Variants in PNLIPRP1 observed in about 807,000 individuals in gnomAD.
The protein encoded by PNLIPRP1 is pancreatic lipase related protein 1.
PNLIPRP1 carries 57 observed loss-of-function variants against 54.6 expected under a neutral mutation model. The observed-to-expected ratio is 1.04, with a 90% CI of 0.84 to 1.30. The LOEUF is 1.30. Ranked by LOEUF, PNLIPRP1 falls within the 50% of genes most tolerant of loss-of-function variation. PNLIPRP1 has a pLI of 0.00. For missense variants in PNLIPRP1, 567 were observed against 568.5 expected, an observed-to-expected ratio of 1.00 and a Z score of 0.03; for synonymous variants, 232 against 208.8, an observed-to-expected ratio of 1.11 and a Z score of -0.96.
rs1294899108 is a variant in PNLIPRP1, at chr10:116,596,439, G to C, written c.574+117G>C. 4.5e-6 allele frequency: 3 copies of C among 660,180 alleles called. No homozygotes were observed. The East Asian group carries it at 7.8e-5, about 17-fold the overall frequency. The allele number at this position is 660,180 out of a possible 1,614,324, so 40.9% of individuals were successfully genotyped here. A position where few individuals can be genotyped will look rare whatever the true frequency, so the allele number is the denominator to read the frequency against. ...GAGACTGTCCCCCTTGGCTGTGATA[G>C]AGCTGCTTGGAGCCTGCACAGAACA... On this transcript the variant is annotated intron_variant, in intron 6 of 12. Transcript: ENST00000358834.
In PNLIPRP1 at chr10:116,596,328, G is replaced by A. The variant is rs782518505; in HGVS notation, c.574+6G>A. 1.1e-5 allele frequency: 18 copies of A among 1,574,204 alleles called. No individual in the cohort carries two copies. The highest frequency in any genetic ancestry group is 1.3e-5 in the Non-Finnish European group (15 of 1,145,890). On this transcript the variant is annotated splice_donor_region_variant and intron_variant, in intron 6 of 12. Transcript: ENST00000358834. ...AGGCCTGAGCAGGATTACAGGTAAG[G>A]CCCCAGAGGCAGGGCCCCAGTTTTG... is the stretch of plus-strand genomic sequence containing the variant.
chr10:116,602,263 C>T (rs1554864916), intron 10 of PNLIPRP1, among the ~76,000 whole-genome samples: 1 of 152,166 alleles, frequency 6.6e-6, no homozygotes, highest in Non-Finnish European at 1.5e-5. Context: ...TTGTGATCCG[C>T]CTGCCTCGGC....
intron 9 of PNLIPRP1, 36 bp downstream of exon 9, chr10:116,600,201 C>A: frequency 7.5e-7 from 1 of 1,339,412 alleles, no homozygotes; most frequent in Non-Finnish European, 1.1e-6. Context: ...ACAAGCATCA[C>A]CCCTCTGAGG....
At chr10:116,602,997 T>A (rs1460536259) in intron 10 of PNLIPRP1, among the ~76,000 whole-genome samples, 4 of 152,106 alleles carry the variant, frequency 2.6e-5, no homozygotes, top group African/African-American at 9.7e-5. Context: ...TGCACGCACA[T>A]GCATGTTTGT....
chr10:116,596,376 G>T, intron 6 of PNLIPRP1, 54 bp downstream of exon 6: 2 of 1,101,760 alleles, frequency 1.8e-6, no homozygotes, highest in Admixed American at 3.7e-5. Context: ...CCAGAATGAG[G>T]TCTCAAGAAT....
chr10:116,591,756 A>C lies in PNLIPRP1; in HGVS notation c.50-15A>C, dbSNP rs1462407769. The C allele has an allele frequency of 6.2e-7, 1 of 1,613,710 alleles. No homozygotes were observed. The highest frequency in any genetic ancestry group is 8.5e-7 in the Non-Finnish European group (1 of 1,179,892). ...TGAGAGCAAATCCTTGAGCAGATTCAACCTTTCTCTGTAGGAAAAGAAGTT... is the reference window on the plus strand; with the variant it reads ...TGAGAGCAAATCCTTGAGCAGATTCCACCTTTCTCTGTAGGAAAAGAAGTT... On this transcript the variant is annotated splice_polypyrimidine_tract_variant and intron_variant, in intron 2 of 12. Coordinates refer to ENST00000358834, the MANE Select transcript of PNLIPRP1 (RefSeq NM_006229.4).
At chr10:116,596,612 C>A (rs1847742429) in intron 6 of PNLIPRP1, among the ~76,000 whole-genome samples, 1 of 152,128 alleles carries the variant, frequency 6.6e-6, no homozygotes, top group African/African-American at 2.4e-5. Flanking sequence ...CAGGACTGGG[C>A]ACCCAGGAAA....
chr10:116,608,927 C>T lies in PNLIPRP1; in HGVS notation c.1341-126C>T, dbSNP rs1273499073. On this transcript the variant is annotated intron_variant, in intron 12 of 12. Transcript: ENST00000358834. ...CCCTCGTGCCTCCTGAATCACTCAT[C>T]AACTGTGACCTGGGCTTAACCCCTT... 3 of 763,040 alleles carry T rather than the reference C, an allele frequency of 3.9e-6. No individual in the cohort carries two copies. The African/African-American group carries it at 5.1e-5, about 13-fold the overall frequency. The allele number at this position is 763,040 out of a possible 1,614,324, so 47.3% of individuals were successfully genotyped here.
intron 11 of PNLIPRP1, among the ~76,000 whole-genome samples, chr10:116,604,346 A>C (rs1554865261): frequency 6.6e-6 from 1 of 152,126 alleles, no homozygotes; most frequent in Non-Finnish European, 1.5e-5. Flanking sequence ...TACTTTTTCT[A>C]TGTTTGGGTG....
chr10:116,599,296 T>A (rs190828810), intron 8 of PNLIPRP1, among the ~76,000 whole-genome samples: 10 of 133,838 alleles, frequency 7.5e-5, no homozygotes, highest in African/African-American at 2.6e-4. Context: ...TAAAATAAAA[T>A]AAAAAATAAA....
chr10:116,597,370 G>A (rs146140942), intron 6 of PNLIPRP1, among the ~76,000 whole-genome samples: 1 of 152,284 alleles, frequency 6.6e-6, no homozygotes, highest in Non-Finnish European at 1.5e-5. Flanking sequence ...GCACAAAAAG[G>A]TAGAGTGACA....
intron 12 of PNLIPRP1, among the ~76,000 whole-genome samples, chr10:116,605,948 G>T (rs1847929914): frequency 6.6e-6 from 1 of 152,212 alleles, no homozygotes; most frequent in African/African-American, 2.4e-5. Context: ...TTTAGGAAAA[G>T]ATCGAAAATT....
intron 9 of PNLIPRP1, chr10:116,600,387 T>A: frequency 1.1e-5 from 5 of 450,038 alleles, no homozygotes. Flanking sequence ...AACTGGGAAA[T>A]CAGAGAGAAA....
Position 116,600,298 on chromosome 10 carries a change from T to A in PNLIPRP1, c.933+133T>A, listed in dbSNP as rs188037861. The stretch of plus-strand genomic sequence containing the variant: ...CCTCAGAGTTCATGGTCCTGTGGAG[T>A]GGAAGAGAAAAAAAAGTAAACAACT... On this transcript the variant is annotated intron_variant, in intron 9 of 12. Coordinates refer to ENST00000358834, the MANE Select transcript of PNLIPRP1 (RefSeq NM_006229.4). The A allele has an allele frequency of 1.2e-4, 74 of 616,384 alleles. No homozygotes were observed. In the Middle Eastern group the frequency reaches 5.1e-3, roughly 43 times the overall value. The allele number at this position is 616,384 out of a possible 1,614,324, so 38.2% of individuals were successfully genotyped here.
chr10:116,596,342 G>T lies in PNLIPRP1; in HGVS notation c.574+20G>T. 6.7e-7 allele frequency: 1 copy of T among 1,500,568 alleles called. No homozygotes were observed. The highest frequency in any genetic ancestry group is 9.2e-7 in the Non-Finnish European group (1 of 1,081,588). 93.0% of individuals were successfully genotyped at this position (1,500,568 alleles called of 1,614,324 possible). On this transcript the variant is annotated intron_variant, in intron 6 of 12. Transcript: ENST00000358834. The stretch of plus-strand genomic sequence containing the variant: ...TTACAGGTAAGGCCCCAGAGGCAGG[G>T]CCCCAGTTTTGTCCCCAGAAACCCC...
At chr10:116,591,229 A>G (rs1554863096) in intron 2 of PNLIPRP1, 51 bp downstream of exon 2, 1 of 1,453,384 alleles carries the variant, frequency 6.9e-7, no homozygotes, top group Non-Finnish European at 9.6e-7. Context: ...TTAAGCTCTC[A>G]GCCCTGGCCA....
intron 6 of PNLIPRP1, among the ~76,000 whole-genome samples, 163 bp from the exon 7 acceptor site, chr10:116,597,665 C>T (rs1159008256): frequency 1.3e-5 from 2 of 152,218 alleles, no homozygotes; most frequent in Non-Finnish European, 2.9e-5. Context: ...CACATTCAGA[C>T]TCTATGTCCT....
rs548533500 is a variant in PNLIPRP1 at position 116,601,131 on chromosome 10, A to G, written c.993A>G (p.Lys331=). 1 of 1,614,076 alleles carries G rather than the reference A, an allele frequency of 6.2e-7. No individual in the cohort carries two copies. The highest frequency in any genetic ancestry group is 2.2e-5 in the East Asian group (1 of 44,876). ...CACAGATGGGTCACTATGCTGATAAATTTGCTGGCAGGACAAGTGAAGAGC... is the reference window on the plus strand; with the variant it reads ...CACAGATGGGTCACTATGCTGATAAGTTTGCTGGCAGGACAAGTGAAGAGC... The part of the protein sequence containing the change: ...GCPQMGHYAD[K]FAGRTSEEQQ... The change falls in exon 10 of 13, where the codon AAA becomes AAG. Residue 331 remains lysine (K), a synonymous_variant. Transcript: ENST00000358834.
chr10:116,607,077 G>C (rs1847947647), intron 12 of PNLIPRP1, among the ~76,000 whole-genome samples: 2 of 147,840 alleles, frequency 1.4e-5, no homozygotes, highest in African/African-American at 4.9e-5. Flanking sequence ...CAAGATTTTG[G>C]TCCAAGCTCT....
Sources: allele counts gnomAD v4.1 joint callset (sites outside exome capture counted in the v4.1 genomes callset), GRCh38; gene constraint gnomAD v4.1.1; transcripts MANE v1.5; gene names NCBI Gene and HGNC (gene_info 2026-07-23, HGNC 2026-07-21).